SLIT2: variants seen among roughly 807,000 people sequenced by gnomAD.
SLIT2 encodes the protein slit guidance ligand 2.
A neutral mutation model predicts 185.7 loss-of-function variants in SLIT2; 41 were observed. The ratio of observed to expected loss-of-function variants is 0.22; its 90% CI spans 0.17 to 0.29. SLIT2 has a LOEUF of 0.29. Among genes scored for constraint, SLIT2 ranks in the 10% least tolerant of loss-of-function variants. The pLI is 1.00. For synonymous variants in SLIT2, 693 were observed against 680.2 expected (o/e 1.02, Z -0.29); for missense variants, 1,571 against 1,909.0 (o/e 0.82, Z 3.30).
At chr4:20,458,029 G>A (rs1488139293) in intron 4 of SLIT2, among the ~76,000 whole-genome samples, 1 of 150,858 alleles carries the variant, frequency 6.6e-6, no homozygotes, top group Non-Finnish European at 1.5e-5. Flanking sequence ...TTTGTGGAAT[G>A]GAGCCAAGGA....
At chr4:20,295,120 T>C (rs1243629903) in intron 4 of SLIT2, among the ~76,000 whole-genome samples, 1 of 152,222 alleles carries the variant, frequency 6.6e-6, no homozygotes. Context: ...TTGGCAGGAC[T>C]TCACTGTTGG....
chr4:20,270,156 G>A (rs1214183784), intron 4 of SLIT2, among the ~76,000 whole-genome samples: 1 of 151,910 alleles, frequency 6.6e-6, no homozygotes, highest in Non-Finnish European at 1.5e-5. Context: ...GTGTAGGTTT[G>A]CTATAAAGAT....
At chr4:20,266,100 A>G (rs917254296) in intron 3 of SLIT2, among the ~76,000 whole-genome samples, 2 of 151,868 alleles carry the variant, frequency 1.3e-5, no homozygotes, top group African/African-American at 4.8e-5. Context: ...TATTACTTAC[A>G]CAGTGAATTA....
chr4:20,600,461 C>T (rs901335574), intron 33 of SLIT2, among the ~76,000 whole-genome samples: 1 of 123,782 alleles, frequency 8.1e-6, no homozygotes. Flanking sequence ...CTCACTCAGT[C>T]ACCCAGGCTG....
At position 20,518,239 on chromosome 4, in the gene SLIT2, G is replaced by GTGTATA. The variant is rs777543992; in HGVS notation, c.1059-1142_1059-1141insGTATAT. ...TATATATACATATATATGTGTGTGT[G>GTGTATA]TATATATATATATATATTTTTTTTT... is the stretch of plus-strand genomic sequence containing the variant. On this transcript the variant is annotated intron_variant, in intron 11 of 36. Transcript: ENST00000504154. 2.6e-3 allele frequency among the ~76,000 whole-genome samples: 218 copies of GTGTATA among 85,246 alleles called. 4 individuals are homozygous for GTGTATA. Among genetic ancestry groups the GTGTATA allele is most frequent in the Middle Eastern group, 0.025 (4 of 160 alleles). 55.9% of individuals were successfully genotyped at this position (85,246 alleles called of 152,430 possible). A position where few individuals can be genotyped will look rare whatever the true frequency, so the allele number is the denominator to read the frequency against.
At chr4:20,335,047 T>C (rs1480802533) in intron 4 of SLIT2, among the ~76,000 whole-genome samples, 1 of 152,192 alleles carries the variant, frequency 6.6e-6, no homozygotes, top group Non-Finnish European at 1.5e-5. Context: ...TATGCAATGG[T>C]GTTCTTTCTG....
chr4:20,459,817 A>G (rs940743113), intron 4 of SLIT2, among the ~76,000 whole-genome samples: 3 of 151,486 alleles, frequency 2.0e-5, no homozygotes, highest in South Asian at 4.2e-4. Flanking sequence ...CTTCTACTTA[A>G]CAGGAGTGTC....
In SLIT2 at chr4:20,292,643, A is replaced by G. The variant is rs76781505; in HGVS notation, c.395+23762A>G. Among the ~76,000 whole-genome samples, 761 of 152,292 alleles carry G rather than the reference A, an allele frequency of 5.0e-3. 7 individuals are homozygous for G. Among genetic ancestry groups the G allele is most frequent in the African/African-American group, 0.018 (739 of 41,554 alleles). ...AGCAATGATAAAATCACAGCTGTTT[A>G]TGTGCTGTCTGATGTGATGGTTACT... On this transcript the variant is annotated intron_variant, in intron 4 of 36. Transcript: ENST00000504154.
chr4:20,500,977 C>G (rs1309663529), intron 9 of SLIT2, among the ~76,000 whole-genome samples: 1 of 152,108 alleles, frequency 6.6e-6, no homozygotes, highest in Non-Finnish European at 1.5e-5. Flanking sequence ...TATTTTATCT[C>G]TGATTCTGTG....
At chr4:20,550,774 G>A in intron 24 of SLIT2, 53 bp from the exon 25 acceptor site, 1 of 1,082,824 alleles carries the variant, frequency 9.2e-7, no homozygotes, top group Non-Finnish European at 1.4e-6. Context: ...TTTCTCTGGA[G>A]TCTATGAGTT....
At chr4:20,481,097 CAT>C (rs1349853579) in intron 6 of SLIT2, among the ~76,000 whole-genome samples, 1 of 146,032 alleles carries the variant, frequency 6.8e-6, no homozygotes, top group East Asian at 1.9e-4. Context: ...GGAAAAATAA[CAT>C]AAAAAAAAAC....
rs1411466476 is a variant in SLIT2, at chr4:20,467,968, G to C, written c.467+145G>C. 3 of 453,290 alleles carry C rather than the reference G, an allele frequency of 6.6e-6. No individual in the cohort carries two copies. The East Asian group carries it at 1.0e-4, about 16-fold the overall frequency. 28.1% of individuals were successfully genotyped at this position (453,290 alleles called of 1,614,324 possible). A position where few individuals can be genotyped will look rare whatever the true frequency, so the allele number is the denominator to read the frequency against. On this transcript the variant is annotated intron_variant, in intron 5 of 36. Transcript: ENST00000504154. The stretch of plus-strand genomic sequence containing the variant: ...GTAGGAGACCTTGTAACAGTAAGTT[G>C]TCAATTGTTTTCACAAGCTGTTTGA...
At chr4:20,572,697 A>G (rs888691669) in intron 29 of SLIT2, among the ~76,000 whole-genome samples, 12 of 152,150 alleles carry the variant, frequency 7.9e-5, no homozygotes, top group Admixed American at 2.6e-4. Context: ...AGAACCCTGG[A>G]TCTGCTGTAT....
chr4:20,415,912 C>T (rs549014191), intron 4 of SLIT2, among the ~76,000 whole-genome samples: 36 of 152,070 alleles, frequency 2.4e-4, no homozygotes, highest in African/African-American at 6.3e-4. Flanking sequence ...AGTTTGTGAG[C>T]GGGGTCTTTG....
In SLIT2 at chr4:20,430,555, C is replaced by A. The variant is rs192935704; in HGVS notation, c.396-37197C>A. ...AGAACACAACTAAATTTATAGTTCA[C>A]CTCTTACTTGGGACAAGGCTTACTG... On this transcript the variant is annotated intron_variant, in intron 4 of 36. Transcript: ENST00000504154. Among the ~76,000 whole-genome samples, 12 of 152,276 alleles carry A rather than the reference C, an allele frequency of 7.9e-5. No individual in the cohort carries two copies. The East Asian group carries it at 2.1e-3, about 27-fold the overall frequency.
chr4:20,566,315 T>G (rs1270849146), intron 26 of SLIT2, among the ~76,000 whole-genome samples: 1 of 152,076 alleles, frequency 6.6e-6, no homozygotes, highest in East Asian at 1.9e-4. Flanking sequence ...TGTATGTGTT[T>G]TATGTATAAA....
At chr4:20,273,930 T>C (rs923267415) in intron 4 of SLIT2, among the ~76,000 whole-genome samples, 1 of 152,210 alleles carries the variant, frequency 6.6e-6, no homozygotes. Flanking sequence ...CCGACTGTGA[T>C]TGTGCAGGAA....
chr4:20,272,458 T>A (rs1376950707), intron 4 of SLIT2, among the ~76,000 whole-genome samples: 1 of 152,010 alleles, frequency 6.6e-6, no homozygotes. Flanking sequence ...AACAGTTGAT[T>A]ATGATTGATT....
At chr4:20,272,017 AC>A (rs997468409) in intron 4 of SLIT2, among the ~76,000 whole-genome samples, 24 of 152,136 alleles carry the variant, frequency 1.6e-4, no homozygotes, top group African/African-American at 5.8e-4. Flanking sequence ...TTCTCTTTGG[AC>A]GGGTTGAGAG....
Sources: gnomAD v4.1 joint callset for allele counts (sites outside exome capture counted in the v4.1 genomes callset) on GRCh38, gnomAD v4.1.1 for gene constraint, MANE v1.5 for transcripts, NCBI Gene and HGNC (gene_info 2026-07-23, HGNC 2026-07-21) for gene names.